Variants in RBFOX1 observed in about 807,000 individuals in gnomAD.
RBFOX1 encodes RNA binding fox-1 homolog 1.
In RBFOX1, 8 loss-of-function variants were observed where a neutral mutation model predicts 57.7. The observed-to-expected ratio is 0.14, with a 90% CI of 0.08 to 0.25. The LOEUF (loss-of-function observed/expected upper bound fraction) is 0.25. Among genes scored for constraint, RBFOX1 ranks in the 10% least tolerant of loss-of-function variants. The probability of loss-of-function intolerance (pLI) is 1.00; values close to 1 mark genes in which losing one functional copy is unlikely to be tolerated. For synonymous variants in RBFOX1, 326 were observed against 222.4 expected (o/e 1.47, Z -4.15); for missense variants, 611 against 548.5 (o/e 1.11, Z -1.14).
At chr16:7,168,113 G>A (rs530024532) in intron 4 of RBFOX1, among the ~76,000 whole-genome samples, 1 of 152,212 alleles carries the variant, frequency 6.6e-6, no homozygotes, top group African/African-American at 2.4e-5. Context: ...ATTCAAGGAA[G>A]CAAAATGGTT....
At chr16:5,531,672 T>C (rs1233287077) in intron 2 of RBFOX1, among the ~76,000 whole-genome samples, 2 of 152,122 alleles carry the variant, frequency 1.3e-5, no homozygotes, top group South Asian at 4.1e-4. Context: ...ATTAAATGAA[T>C]CAATGTGTTT....
chr16:7,155,764 C>G (rs534485159), intron 4 of RBFOX1, among the ~76,000 whole-genome samples: 90 of 124,136 alleles, frequency 7.3e-4, no homozygotes, highest in Middle Eastern at 9.9e-3. Context: ...CACACACACA[C>G]ATATATATAC....
intron 1 of RBFOX1, among the ~76,000 whole-genome samples, chr16:6,142,158 C>A (rs2096721233): frequency 6.8e-6 from 1 of 146,390 alleles, no homozygotes; most frequent in African/African-American, 2.6e-5. Context: ...TTCTATATAA[C>A]CCCCTTCAGA....
intron 3 of RBFOX1, among the ~76,000 whole-genome samples, chr16:5,867,149 C>CGTGT (rs756346926): frequency 1.3e-3 from 167 of 126,818 alleles, no homozygotes; most frequent in African/African-American, 5.3e-3. Flanking sequence ...GAAGAAAATG[C>CGTGT]ATGTGTGTGT....
chr16:6,271,854 G>A (rs932187309), intron 1 of RBFOX1, among the ~76,000 whole-genome samples: 1 of 152,098 alleles, frequency 6.6e-6, no homozygotes, highest in African/African-American at 2.4e-5. Context: ...TTTTGTTAGA[G>A]AATTCTACCA....
chr16:5,655,558 T>C (rs1166589936), intron 3 of RBFOX1, among the ~76,000 whole-genome samples: 1 of 152,190 alleles, frequency 6.6e-6, no homozygotes, highest in Non-Finnish European at 1.5e-5. Context: ...TCAAAGTGGG[T>C]TCTGCTACAA....
In RBFOX1 at chr16:5,947,207, C is replaced by T. The variant is rs544220674; in HGVS notation, c.351+79872C>T. Among the ~76,000 whole-genome samples, 1 of 152,102 alleles carries T rather than the reference C, an allele frequency of 6.6e-6. No individual in the cohort carries two copies. Among genetic ancestry groups the T allele is most frequent in the Non-Finnish European group, 1.5e-5 (1 of 68,018 alleles). On this transcript the variant is annotated intron_variant, in intron 4 of 19. Transcript: ENST00000641259. The surrounding 1 kb of genome is among the most constrained non-coding windows in gnomAD (Gnocchi z 7.2). The stretch of plus-strand genomic sequence containing the variant: ...CTCCAGCCTGGGTGGCAGAGTGAGA[C>T]TCTGTCTCTAAAACAAAACAAACCA...
chr16:6,335,578 G>C (rs532820736), intron 2 of RBFOX1, among the ~76,000 whole-genome samples: 48 of 151,932 alleles, frequency 3.2e-4, no homozygotes, highest in African/African-American at 1.0e-3. Flanking sequence ...AAGAGATTGA[G>C]ACCCTCCTGG....
chr16:6,916,934 C>T (rs940550221), intron 3 of RBFOX1, among the ~76,000 whole-genome samples: 3 of 152,160 alleles, frequency 2.0e-5, no homozygotes, highest in African/African-American at 7.2e-5. Flanking sequence ...ACTGCAACCT[C>T]CACCTTCCAG....
At chr16:7,566,631 C>T (rs1245321308) in intron 5 of RBFOX1, among the ~76,000 whole-genome samples, 1 of 152,132 alleles carries the variant, frequency 6.6e-6, no homozygotes, top group Non-Finnish European at 1.5e-5. Context: ...ATGCTTAGCT[C>T]ATGGTGGGAC....
intron 4 of RBFOX1, among the ~76,000 whole-genome samples, chr16:7,266,569 C>T (rs935396650): frequency 7.2e-5 from 11 of 152,128 alleles, no homozygotes; most frequent in Non-Finnish European, 7.3e-5. Flanking sequence ...ATCTAATCAC[C>T]TCACCAAAGC....
At chr16:7,630,577 A>G (rs374639157) in intron 10 of RBFOX1, 26 bp from the exon 11 acceptor site, 3 of 1,613,416 alleles carry the variant, frequency 1.9e-6, no homozygotes, top group Admixed American at 1.7e-5. Flanking sequence ...CCCAAACCAG[A>G]TACCATCTCT....
At chr16:7,462,321 C>T (rs565545694) in intron 4 of RBFOX1, among the ~76,000 whole-genome samples, 1 of 152,150 alleles carries the variant, frequency 6.6e-6, no homozygotes, top group East Asian at 1.9e-4. Flanking sequence ...ATGGTGAAAC[C>T]TCATCTCTAC....
At chr16:5,292,824 C>T (rs1054648206) in intron 1 of RBFOX1, among the ~76,000 whole-genome samples, 1 of 151,946 alleles carries the variant, frequency 6.6e-6, no homozygotes, top group African/African-American at 2.4e-5. Flanking sequence ...GGGGTTTCAC[C>T]ATGTTAGCCA....
chr16:7,074,452 A>C (rs1346731085), intron 4 of RBFOX1, among the ~76,000 whole-genome samples: 1 of 152,230 alleles, frequency 6.6e-6, no homozygotes, highest in East Asian at 1.9e-4. Context: ...AGTATCTGAA[A>C]TGTAAACATC....
intron 2 of RBFOX1, among the ~76,000 whole-genome samples, chr16:6,634,568 ATATT>A (rs1490440477): frequency 3.4e-5 from 5 of 147,760 alleles, no homozygotes; most frequent in South Asian, 2.1e-4. Flanking sequence ...AGTATATTAC[ATATT>A]TAAAGTATTC....
intron 3 of RBFOX1, among the ~76,000 whole-genome samples, chr16:6,794,719 A>G (rs554958160): frequency 1.3e-5 from 2 of 152,312 alleles, no homozygotes; most frequent in Non-Finnish European, 2.9e-5. Flanking sequence ...AAATCATAAT[A>G]GCAGCTTGGA....
chr16:7,062,724 T>G (rs1327392923), intron 4 of RBFOX1, among the ~76,000 whole-genome samples: 1 of 152,026 alleles, frequency 6.6e-6, no homozygotes, highest in African/African-American at 2.4e-5. Context: ...CAAGCATGAT[T>G]GAAAACCTGG....
At chr16:6,489,185 C>G (rs1367329464) in intron 2 of RBFOX1, among the ~76,000 whole-genome samples, 1 of 152,116 alleles carries the variant, frequency 6.6e-6, no homozygotes, top group Non-Finnish European at 1.5e-5. Flanking sequence ...ACTCTTGTCA[C>G]TAGAAGAGAA....
Sources: allele counts gnomAD v4.1 joint callset (sites outside exome capture counted in the v4.1 genomes callset), GRCh38; gene constraint gnomAD v4.1.1; non-coding constraint Gnocchi (gnomAD v3.1); transcripts MANE v1.5; gene names NCBI Gene and HGNC (gene_info 2026-07-23, HGNC 2026-07-21).